GLI1: variants seen among roughly 807,000 people sequenced by gnomAD.
GLI1 encodes the protein GLI family zinc finger 1, also known as transcription activator GLI1.
In GLI1, 51 loss-of-function variants were observed where a neutral mutation model predicts 87.8. The ratio of observed to expected loss-of-function variants is 0.58; its 90% CI spans 0.46 to 0.73. GLI1 has a LOEUF of 0.73. Ranked by LOEUF, GLI1 falls within the 30% of genes least tolerant of loss-of-function variation. The pLI is 0.00. For missense variants in GLI1, 1,292 were observed against 1,437.2 expected, an observed-to-expected ratio of 0.90 and a Z score of 1.63; for synonymous variants, 528 against 558.2, an observed-to-expected ratio of 0.95 and a Z score of 0.76.
chr12:57,463,535 C>T (rs1871284092), intron 1 of GLI1, 130 bp from the exon 2 acceptor site: 1 of 657,640 alleles, frequency 1.5e-6, no homozygotes, highest in Admixed American at 2.2e-5. Flanking sequence ...CTTTTCAACT[C>T]GAATTCCGTG....
chr12:57,468,197 C>A lies in GLI1; in HGVS notation c.1281C>A (p.Ser427Arg). 6.2e-7 allele frequency: 1 copy of A among 1,613,838 alleles called. No homozygotes were observed. The highest frequency in any genetic ancestry group is 8.5e-7 in the Non-Finnish European group (1 of 1,179,718). The stretch of plus-strand genomic sequence containing the variant: ...AAGGAGGTCCCATCAGGGAGGAAAG[C>A]AGACTGACTGTGCCAGAGGGTGCCA... ...EREGGPIREE[S>R]RLTVPEGAMK... The change falls in exon 10 of 12, where the codon AGC becomes AGA. Residue 427 changes from serine to arginine, a missense_variant. Ser to Arg is a moderately radical substitution (Grantham distance 110). Coordinates refer to ENST00000228682, the MANE Select transcript of GLI1 (RefSeq NM_005269.3).
At chr12:57,464,331 G>A (rs1166388734) in intron 3 of GLI1, among the ~76,000 whole-genome samples, 4 of 152,126 alleles carry the variant, frequency 2.6e-5, no homozygotes, top group African/African-American at 9.7e-5. Flanking sequence ...AGACCAGCCA[G>A]GCCAACATGG....
intron 7 of GLI1, 62 bp downstream of exon 7, chr12:57,465,987 A>G: frequency 6.7e-7 from 1 of 1,494,304 alleles, no homozygotes; most frequent in Non-Finnish European, 9.3e-7. Context: ...TGAGTGGGAC[A>G]TGGTGGAATC....
Position 57,471,621 on chromosome 12 carries a change from T to A in GLI1, c.2881T>A (p.Ser961Thr), listed in dbSNP as rs1871956629. Residue 961 changes from serine to threonine, a missense_variant, in exon 12 of 12, where the codon TCA (serine) becomes ACA (threonine). Coordinates refer to ENST00000228682, the MANE Select transcript of GLI1 (RefSeq NM_005269.3). This position sits in a 1 kb window ranked among gnomAD's most constrained non-coding sequence, Gnocchi z 4.9. ...TGGACCCAACTTGCCCAATCACAAG[T>A]CAGGTTCCTATCCCACCCCTTCACC... ...GFGPNLPNHK[S>T]GSYPTPSPCH... The A allele has an allele frequency of 1.2e-6, 2 of 1,613,824 alleles. No homozygotes were observed. The highest frequency in any genetic ancestry group is 8.5e-7 in the Non-Finnish European group (1 of 1,179,916).
rs1486183942 is a variant in GLI1 at position 57,464,677 on chromosome 12, A to C, written c.198A>C (p.Pro66=). 1 of 1,612,994 alleles carries C rather than the reference A, an allele frequency of 6.2e-7. No individual in the cohort carries two copies. Among genetic ancestry groups the C allele is most frequent in the African/African-American group, 1.3e-5 (1 of 74,746 alleles). Residue 66 remains proline (P), a synonymous_variant, in exon 4 of 12, where the codon CCA becomes CCC. Coordinates refer to ENST00000228682, the MANE Select transcript of GLI1 (RefSeq NM_005269.3). Reference sequence around the variant, plus strand: ...CTCCGCTGTCTCCTGCCCCAGGCCCACTCTTTTCTTCTCCCCGGAGTGCAG... The same window carrying C: ...CTCCGCTGTCTCCTGCCCCAGGCCCCCTCTTTTCTTCTCCCCGGAGTGCAG... The part of the protein sequence containing the change: ...ARETNSCTEG[P]LFSSPRSAVK...
Position 57,464,001 on chromosome 12 carries a change from C to T in GLI1, c.103C>T (p.Leu35=). 1 of 1,611,718 alleles carries T rather than the reference C, an allele frequency of 6.2e-7. No homozygotes were observed. Residue 35 remains leucine (L), a splice_region_variant and synonymous_variant, in exon 3 of 12, where the codon CTG becomes TTG. Coordinates refer to ENST00000228682, the MANE Select transcript of GLI1 (RefSeq NM_005269.3). ...TTCCAGCTGTCTCTTTTTTCTAGGA[C>T]TGTCTGGCCCGCCCTTCTGCCACCA... ...QGAPSVGTEG[L]SGPPFCHQAN... is the part of the protein sequence containing the mutation.
Position 57,465,236 on chromosome 12 carries a change from G to C in GLI1, c.515G>C (p.Gly172Ala), listed in dbSNP as rs1224544686. Residue 172 changes from glycine to alanine, a missense_variant, in exon 5 of 12, where the codon GGA becomes GCA. Physicochemically the swap from Gly to Ala is moderately conservative, Grantham distance 60 (BLOSUM62 0). Coordinates refer to ENST00000228682, the MANE Select transcript of GLI1 (RefSeq NM_005269.3). ...ATGATCCCACATCCTCAGTCCCGGGGACCCTTCCCAACTTGCCAGGTGAGA... is the reference window on the plus strand; with the variant it reads ...ATGATCCCACATCCTCAGTCCCGGGCACCCTTCCCAACTTGCCAGGTGAGA... Reference protein sequence around the residue: ...GGMIPHPQSRGPFPTCQLKSE... With the variant: ...GGMIPHPQSRAPFPTCQLKSE... 4 of 1,611,042 alleles carry C rather than the reference G, an allele frequency of 2.5e-6. No individual in the cohort carries two copies. The South Asian group carries it at 3.3e-5, about 13-fold the overall frequency.
Position 57,464,862 on chromosome 12 carries a change from C to T in GLI1, c.383C>T (p.Thr128Ile). The change falls in exon 4 of 12, where the codon ACC (threonine) becomes ATC (isoleucine). Residue 128 changes from threonine to isoleucine, a missense_variant. Around this residue, in one of 3 missense-constraint regions of GLI1, gnomAD observed 383 missense variants for 368.4 expected, o/e 1.04. Transcript: ENST00000228682. ...GGSYGHLSIG[T>I]MSPSLGFPAQ... ...TCCTACGGTCATCTCTCCATTGGCA[C>T]CATGAGGTGCAGTCAGCCCCGGGCC... 1 of 1,611,432 alleles carries T rather than the reference C, an allele frequency of 6.2e-7. No homozygotes were observed. The highest frequency in any genetic ancestry group is 8.5e-7 in the Non-Finnish European group (1 of 1,177,588).
At chr12:57,461,058 C>G (rs891915248) in intron 1 of GLI1, among the ~76,000 whole-genome samples, 1 of 152,156 alleles carries the variant, frequency 6.6e-6, no homozygotes, top group Non-Finnish European at 1.5e-5. Context: ...CTCAGACCAC[C>G]CTGCCTGCCC....
chr12:57,468,696 G>C (rs748230021), intron 10 of GLI1, among the ~76,000 whole-genome samples: 18 of 151,828 alleles, frequency 1.2e-4, no homozygotes, highest in Non-Finnish European at 2.1e-4. Flanking sequence ...TCCTGGCCTT[G>C]AGCGATCCTC....
Position 57,472,111 on chromosome 12 carries a change from A to G in GLI1, c.*50A>G. ...AGATCGCATTTCCTAAGGGGTTTCT[A>G]TCCTTCCAGAAAAATTGGGGGAGCT... is the stretch of plus-strand genomic sequence containing the variant. On this transcript the variant is annotated 3_prime_UTR_variant, in exon 12 of 12. Coordinates refer to ENST00000228682, the MANE Select transcript of GLI1 (RefSeq NM_005269.3). The G allele has an allele frequency of 7.6e-7, 1 of 1,322,682 alleles. No homozygotes were observed. The highest frequency in any genetic ancestry group is 1.0e-6 in the Non-Finnish European group (1 of 980,610). 81.9% of individuals were successfully genotyped at this position (1,322,682 alleles called of 1,614,324 possible).
At position 57,466,042 on chromosome 12, in the gene GLI1, G is replaced by C; in HGVS notation, c.762+117G>C. On this transcript the variant is annotated intron_variant, in intron 7 of 11. Transcript: ENST00000228682. ...AGAGGAGACTGAGGTTGAATGCTCA[G>C]TTGGGTAGGCAGAAGCTCAGAAGTT... 4.4e-6 allele frequency: 5 copies of C among 1,130,598 alleles called. No homozygotes were observed. In the South Asian group the frequency reaches 5.7e-5, roughly 13 times the overall value. 70.0% of individuals were successfully genotyped at this position (1,130,598 alleles called of 1,614,324 possible).
intron 10 of GLI1, 98 bp from the exon 11 acceptor site, chr12:57,469,333 G>T: frequency 8.1e-7 from 1 of 1,236,166 alleles, no homozygotes. Flanking sequence ...AAGCTTCCTT[G>T]GAACCCCAGC....
intron 5 of GLI1, 104 bp from the exon 6 acceptor site, chr12:57,465,503 C>T: frequency 5.3e-6 from 5 of 946,172 alleles, no homozygotes; most frequent in East Asian, 5.2e-5. Context: ...CAGGAGGTTC[C>T]AGCTGCTTGG....
At chr12:57,465,391 G>C (rs1292530647) in intron 5 of GLI1, 136 bp downstream of exon 5, 1 of 835,428 alleles carries the variant, frequency 1.2e-6, no homozygotes, top group Non-Finnish European at 1.9e-6. Context: ...GTGGGTGCTG[G>C]GGTTCACTCC....
At chr12:57,464,651 T>C (rs1295328627) in intron 3 of GLI1, 22 bp from the exon 4 acceptor site, 3 of 1,598,072 alleles carry the variant, frequency 1.9e-6, no homozygotes, top group Admixed American at 1.7e-5. Context: ...ACCATATCCG[T>C]CTCCGCTGTC....
chr12:57,463,751 G>A lies in GLI1; in HGVS notation c.60G>A (p.Arg20=), dbSNP rs1484552010. 1.9e-6 allele frequency: 3 copies of A among 1,610,790 alleles called. No individual in the cohort carries two copies. Among genetic ancestry groups the A allele is most frequent in the South Asian group, 1.1e-5 (1 of 91,058 alleles). ...ISSYGEPCCL[R]PLPSQGAPSV... ...GCTATGGCGAGCCCTGCTGTCTCCG[G>A]CCCCTCCCCAGTCAGGGGGCCCCCA... Residue 20 remains arginine, a synonymous_variant, in exon 2 of 12, where the codon CGG becomes CGA. Transcript: ENST00000228682.
Position 57,470,520 on chromosome 12 carries a change from G to A in GLI1, c.1780G>A (p.Ala594Thr). Reference protein sequence around the residue: ...AQHYLLRARYASARGGGTSPT... With the variant: ...AQHYLLRARYTSARGGGTSPT... ...GCACTACCTGCTTCGGGCAAGATATGCTTCAGCCAGAGGGGGTGGTACTTC... is the reference window on the plus strand; with the variant it reads ...GCACTACCTGCTTCGGGCAAGATATACTTCAGCCAGAGGGGGTGGTACTTC... The change falls in exon 12 of 12, where the codon GCT becomes ACT. Residue 594 changes from alanine (A) to threonine (T), a missense_variant. Around this residue, in one of 3 missense-constraint regions of GLI1, gnomAD observed 897 missense variants for 1,040.7 expected, o/e 0.86. Transcript: ENST00000228682. The A allele has an allele frequency of 6.2e-7, 1 of 1,614,070 alleles. No homozygotes were observed.
At chr12:57,464,350 T>G (rs1381413286) in intron 3 of GLI1, among the ~76,000 whole-genome samples, 1 of 151,936 alleles carries the variant, frequency 6.6e-6, no homozygotes, top group Non-Finnish European at 1.5e-5. Flanking sequence ...GGTGAAACCC[T>G]GTCTCTACTA....
Sources: gnomAD v4.1 joint callset for allele counts (sites outside exome capture counted in the v4.1 genomes callset) on GRCh38, gnomAD v4.1.1 for gene constraint, gnomAD v4.1.1 regional missense constraint, Gnocchi (gnomAD v3.1) non-coding constraint, MANE v1.5 for transcripts, NCBI Gene and HGNC (gene_info 2026-07-23, HGNC 2026-07-21) for gene names.